ENPP3: variants seen among roughly 807,000 people sequenced by gnomAD.
The protein encoded by ENPP3 is ectonucleotide pyrophosphatase/phosphodiesterase family member 3.
A neutral mutation model predicts 117.8 loss-of-function variants in ENPP3; 104 were observed. The observed-to-expected ratio is 0.88, with a 90% CI of 0.75 to 1.04. The LOEUF (loss-of-function observed/expected upper bound fraction) is 1.04. Ranked by LOEUF, ENPP3 falls within the 50% of genes least tolerant of loss-of-function variation. The pLI is 0.00. For synonymous variants in ENPP3, 380 were observed against 349.9 expected (o/e 1.09, Z -0.96); for missense variants, 1,026 against 1,051.9 (o/e 0.98, Z 0.34).
chr6:131,653,260 A>G (rs984369843), intron 5 of ENPP3, among the ~76,000 whole-genome samples: 3 of 151,532 alleles, frequency 2.0e-5, no homozygotes, highest in African/African-American at 7.3e-5. Flanking sequence ...CCTCCTGAGT[A>G]GCTGGGACTA....
At chr6:131,734,849 C>T (rs1020308816) in intron 21 of ENPP3, among the ~76,000 whole-genome samples, 3 of 148,134 alleles carry the variant, frequency 2.0e-5, no homozygotes, top group Non-Finnish European at 4.4e-5. Flanking sequence ...TGCAGTGGGC[C>T]GAGATTGAGC....
In ENPP3 at chr6:131,718,702, C is replaced by A; in HGVS notation, c.1443C>A (p.Gly481=). ...RSKSNTNCGG[G]NHGYNNEFRS... is the part of the protein sequence containing the mutation. ...AATCAAATACAAATTGTGGAGGAGG[C>A]AACCATGGTTATAACAATGAGTTTA... The change falls in exon 16 of 25, where the codon GGC becomes GGA. Residue 481 remains glycine (G), a synonymous_variant. Coordinates refer to ENST00000357639, the MANE Select transcript of ENPP3 (RefSeq NM_005021.5). 6.2e-7 allele frequency: 1 copy of A among 1,603,598 alleles called. No homozygotes were observed. Among genetic ancestry groups the A allele is most frequent in the South Asian group, 1.1e-5 (1 of 90,020 alleles).
chr6:131,722,543 C>A, intron 18 of ENPP3, 138 bp downstream of exon 18: 1 of 666,128 alleles, frequency 1.5e-6, no homozygotes, highest in East Asian at 2.6e-5. Flanking sequence ...TGTGGTTTCT[C>A]TGAACCTTAC....
chr6:131,678,917 CTT>C (rs1318186060), intron 11 of ENPP3, among the ~76,000 whole-genome samples: 3,936 of 65,656 alleles, frequency 0.06, 101 homozygotes, highest in African/African-American at 0.22. Flanking sequence ...CTCTTTCTTT[CTT>C]TCTTTCTTTC....
chr6:131,690,502 G>A (rs535263529), intron 14 of ENPP3, among the ~76,000 whole-genome samples: 1 of 152,186 alleles, frequency 6.6e-6, no homozygotes, highest in East Asian at 1.9e-4. Context: ...ACATAGTGCT[G>A]TTGCACACTT....
At chr6:131,744,164 A>T (rs1244499719) in intron 24 of ENPP3, among the ~76,000 whole-genome samples, 1 of 152,260 alleles carries the variant, frequency 6.6e-6, no homozygotes, top group Non-Finnish European at 1.5e-5. Context: ...CACTTGGTGT[A>T]AGGAATTAGA....
At chr6:131,658,454 TA>T in intron 6 of ENPP3, 34 bp downstream of exon 6, 2 of 1,085,666 alleles carry the variant, frequency 1.8e-6, no homozygotes, top group South Asian at 2.5e-5. Context: ...ATGCAAATGA[TA>T]AAGACACCTA....
At chr6:131,644,936 G>GA (rs1359886783) in intron 2 of ENPP3, among the ~76,000 whole-genome samples, 1 of 152,122 alleles carries the variant, frequency 6.6e-6, no homozygotes, top group Non-Finnish European at 1.5e-5. Context: ...GAGAGTGTAT[G>GA]AAAAAACGTA....
At chr6:131,727,967 C>A (rs144371204) in intron 20 of ENPP3, among the ~76,000 whole-genome samples, 1 of 152,250 alleles carries the variant, frequency 6.6e-6, no homozygotes, top group Non-Finnish European at 1.5e-5. Context: ...GCATATTTTC[C>A]TACTACTAAT....
chr6:131,725,030 GA>G (rs1780123192), intron 19 of ENPP3, among the ~76,000 whole-genome samples: 1 of 139,500 alleles, frequency 7.2e-6, no homozygotes, highest in Non-Finnish European at 1.5e-5. Context: ...CCAACATGGT[GA>G]AACCCCGTCT....
intron 23 of ENPP3, among the ~76,000 whole-genome samples, chr6:131,739,734 C>A (rs530192146): frequency 6.7e-6 from 1 of 149,144 alleles, no homozygotes; most frequent in Admixed American, 6.8e-5. Flanking sequence ...TTATTACTTT[C>A]TTTTACTATA....
chr6:131,741,450 G>A lies in ENPP3; in HGVS notation c.2457+1070G>A, dbSNP rs555748712. Reference sequence around the variant, plus strand: ...GATCAATTGACAATTAATGTTAAAAGGATTTAATATTTGAAATTAAAATCA... The same window carrying A: ...GATCAATTGACAATTAATGTTAAAAAGATTTAATATTTGAAATTAAAATCA... On this transcript the variant is annotated intron_variant, in intron 24 of 24. Coordinates refer to ENST00000357639, the MANE Select transcript of ENPP3 (RefSeq NM_005021.5). Among the ~76,000 whole-genome samples, 13 of 152,204 alleles carry A rather than the reference G, an allele frequency of 8.5e-5. No homozygotes were observed. The South Asian group carries it at 2.5e-3, about 29-fold the overall frequency.
intron 11 of ENPP3, among the ~76,000 whole-genome samples, chr6:131,678,879 A>G (rs1465216341): frequency 2.0e-5 from 3 of 148,868 alleles, no homozygotes; most frequent in Non-Finnish European, 4.5e-5. Context: ...TATATTCACC[A>G]TGCCTTCTTT....
At chr6:131,700,712 C>T in intron 15 of ENPP3, 5 of 1,557,450 alleles carry the variant, frequency 3.2e-6, no homozygotes, top group Non-Finnish European at 4.3e-6. Flanking sequence ...TCTGAACTTC[C>T]CTTGATTGGA....
intron 18 of ENPP3, among the ~76,000 whole-genome samples, chr6:131,723,437 T>C (rs1272548621): frequency 6.6e-6 from 1 of 152,184 alleles, no homozygotes; most frequent in Non-Finnish European, 1.5e-5. Flanking sequence ...TAACATTACT[T>C]ACTAGGTATA....
chr6:131,724,522 A>T (rs1418164839), intron 19 of ENPP3, among the ~76,000 whole-genome samples: 1 of 152,198 alleles, frequency 6.6e-6, no homozygotes, highest in Non-Finnish European at 1.5e-5. Context: ...AATACATGGA[A>T]AGAATTTACA....
chr6:131,696,931 A>G (rs390088), intron 15 of ENPP3, among the ~76,000 whole-genome samples: 146,929 of 152,138 alleles, frequency 0.97, 70,993 homozygotes, highest in East Asian at 1. Context: ...CACCACACCC[A>G]GCTAATTTTT....
chr6:131,665,857 C>G (rs1778606059), intron 6 of ENPP3, among the ~76,000 whole-genome samples: 1 of 152,062 alleles, frequency 6.6e-6, no homozygotes, highest in South Asian at 2.1e-4. Flanking sequence ...GCATTTATTA[C>G]TATAACTTCC....
intron 14 of ENPP3, among the ~76,000 whole-genome samples, chr6:131,692,187 G>T (rs536034377): frequency 4.3e-4 from 65 of 152,060 alleles, no homozygotes; most frequent in Non-Finnish European, 7.2e-4. Flanking sequence ...GAAAAATTTC[G>T]TTTCCTTTGT....
Sources: allele counts gnomAD v4.1 joint callset (sites outside exome capture counted in the v4.1 genomes callset), GRCh38; gene constraint gnomAD v4.1.1; transcripts MANE v1.5; gene names NCBI Gene and HGNC (gene_info 2026-07-23, HGNC 2026-07-21).